Variants in C7orf33 observed in about 807,000 individuals in gnomAD.
C7orf33 encodes uncharacterized protein C7orf33.
Under a neutral mutation model 13.4 loss-of-function variants are expected in C7orf33, and 15 were observed. The observed-to-expected ratio is 1.12, with a 90% CI of 0.75 to 1.72. The LOEUF is 1.72. Among genes scored for constraint, C7orf33 ranks in the 40% most tolerant of loss-of-function variants. The pLI is 0.00. For synonymous variants in C7orf33, 73 were observed against 83.2 expected (o/e 0.88, Z 0.67); for missense variants, 187 against 220.3 (o/e 0.85, Z 0.96).
rs1796394675 is a variant in C7orf33, at chr7:148,600,044, GA to G, written c.204+8916del. Reference sequence around the variant, plus strand: ...GAAATGAACTTAGAGCTGCTTAGAGGATTTCACAGCCCATGCCCCGCAGTTT... The same window carrying G: ...GAAATGAACTTAGAGCTGCTTAGAGGTTTCACAGCCCATGCCCCGCAGTTT... On this transcript the variant is annotated intron_variant, in intron 1 of 2. Transcript: ENST00000307003. 2.0e-5 allele frequency among the ~76,000 whole-genome samples: 3 copies of G among 152,336 alleles called. No homozygotes were observed. In the East Asian group the frequency reaches 5.8e-4, roughly 29 times the overall value.
intron 1 of C7orf33, among the ~76,000 whole-genome samples, chr7:148,600,805 T>TC (rs1796404050): frequency 6.9e-6 from 1 of 144,236 alleles, no homozygotes; most frequent in South Asian, 2.2e-4. Context: ...ACTTCTTTTT[T>TC]TTTTTTTTTT....
chr7:148,604,327 A>AT (rs1796449888), intron 1 of C7orf33, among the ~76,000 whole-genome samples: 1 of 151,888 alleles, frequency 6.6e-6, no homozygotes, highest in Non-Finnish European at 1.5e-5. Context: ...GAGTTTCACC[A>AT]TGTCGGCCAG....
intron 1 of C7orf33, among the ~76,000 whole-genome samples, chr7:148,595,659 C>G (rs1168345083): frequency 8.0e-5 from 9 of 111,810 alleles, no homozygotes; most frequent in South Asian, 2.6e-4. Context: ...TAATATAGAT[C>G]TATATTATAT....
chr7:148,608,033 T>C (rs1043054244), intron 1 of C7orf33, among the ~76,000 whole-genome samples: 1 of 152,176 alleles, frequency 6.6e-6, no homozygotes, highest in Non-Finnish European at 1.5e-5. Context: ...AAAGGCTTTG[T>C]CCATTCCTGC....
chr7:148,593,420 T>C (rs1796291447), intron 1 of C7orf33, among the ~76,000 whole-genome samples: 1 of 151,720 alleles, frequency 6.6e-6, no homozygotes, highest in African/African-American at 2.4e-5. Flanking sequence ...CTGCCACCAC[T>C]CCCAGCTAAT....
At chr7:148,608,388 C>T (rs1275977779) in intron 1 of C7orf33, among the ~76,000 whole-genome samples, 1 of 151,838 alleles carries the variant, frequency 6.6e-6, no homozygotes, top group East Asian at 1.9e-4. Context: ...CGAGATCAGG[C>T]CACTGCACTC....
chr7:148,609,527 C>T (rs540118537), intron 1 of C7orf33, among the ~76,000 whole-genome samples: 1 of 152,254 alleles, frequency 6.6e-6, no homozygotes, highest in South Asian at 2.1e-4. Context: ...TTTTCAAATC[C>T]CAGCCCACAA....
At position 148,596,962 on chromosome 7, in the gene C7orf33, G is replaced by A. The variant is rs1796346677; in HGVS notation, c.204+5833G>A. Among the ~76,000 whole-genome samples the A allele has an allele frequency of 3.3e-5, 5 of 152,262 alleles. No individual in the cohort carries two copies. The South Asian group carries it at 1.0e-3, about 32-fold the overall frequency. On this transcript the variant is annotated intron_variant, in intron 1 of 2. Coordinates refer to ENST00000307003, the MANE Select transcript of C7orf33 (RefSeq NM_145304.4). ...CTTTCACTTAGCGATATGCATTTAA[G>A]CTTCCTTCAGCCTTTCCATGACTTG...
intron 1 of C7orf33, among the ~76,000 whole-genome samples, chr7:148,596,129 A>C (rs1796335823): frequency 6.6e-6 from 1 of 152,176 alleles, no homozygotes; most frequent in Non-Finnish European, 1.5e-5. Context: ...GGACTTATAT[A>C]CTTTTATATA....
chr7:148,597,711 G>A lies in C7orf33; in HGVS notation c.204+6582G>A, dbSNP rs114719673. 7.5e-3 allele frequency among the ~76,000 whole-genome samples: 1,140 copies of A among 151,400 alleles called. 16 individuals carry two copies. The highest frequency in any genetic ancestry group is 0.026 in the African/African-American group (1,086 of 41,246). On this transcript the variant is annotated intron_variant, in intron 1 of 2. Coordinates refer to ENST00000307003, the MANE Select transcript of C7orf33 (RefSeq NM_145304.4). ...TAACCATTATTCTGAATTCATTGTGGATCATTCCCTTCCTCTGCATTTGTT... is the reference window on the plus strand; with the variant it reads ...TAACCATTATTCTGAATTCATTGTGAATCATTCCCTTCCTCTGCATTTGTT...
chr7:148,603,989 C>A (rs770890521), intron 1 of C7orf33, among the ~76,000 whole-genome samples: 1 of 152,102 alleles, frequency 6.6e-6, no homozygotes, highest in African/African-American at 2.4e-5. Flanking sequence ...AATACAGAAC[C>A]AAACCAAAAG....
chr7:148,594,244 T>C (rs1585453005), intron 1 of C7orf33, among the ~76,000 whole-genome samples: 1 of 151,226 alleles, frequency 6.6e-6, no homozygotes, highest in Non-Finnish European at 1.5e-5. Context: ...GGTACGATCT[T>C]GGCTCACTGC....
intron 1 of C7orf33, among the ~76,000 whole-genome samples, chr7:148,593,517 A>G (rs1394848974): frequency 2.0e-5 from 3 of 151,972 alleles, no homozygotes; most frequent in African/African-American, 4.8e-5. Context: ...TGCTTGCCTC[A>G]GCCTCCCAAA....
At chr7:148,614,865 G>T (rs925712877) in intron 2 of C7orf33, among the ~76,000 whole-genome samples, 2 of 152,154 alleles carry the variant, frequency 1.3e-5, no homozygotes, top group African/African-American at 4.8e-5. Flanking sequence ...AAAGCAATGA[G>T]ATTTCTCTAA....
rs746335871 is a variant in C7orf33 at position 148,615,437 on chromosome 7, T to G, written c.*36T>G. 1 of 1,227,182 alleles carries G rather than the reference T, an allele frequency of 8.1e-7. No homozygotes were observed. The highest frequency in any genetic ancestry group is 2.3e-5 in the East Asian group (1 of 42,962). 76.0% of individuals were successfully genotyped at this position (1,227,182 alleles called of 1,614,324 possible). On this transcript the variant is annotated 3_prime_UTR_variant, in exon 3 of 3. Coordinates refer to ENST00000307003, the MANE Select transcript of C7orf33 (RefSeq NM_145304.4). ...GAATCTAAGAGTCACATCTCTAAAT[T>G]TGTGTAGATTGTGAAATCTCTTCTT...
Position 148,590,866 on chromosome 7 carries a change from T to G in C7orf33, c.-60T>G. 1 of 1,464,826 alleles carries G rather than the reference T, an allele frequency of 6.8e-7. No homozygotes were observed. The highest frequency in any genetic ancestry group is 9.6e-7 in the Non-Finnish European group (1 of 1,046,270). 90.7% of individuals were successfully genotyped at this position (1,464,826 alleles called of 1,614,324 possible). On this transcript the variant is annotated 5_prime_UTR_variant, in exon 1 of 3. Transcript: ENST00000307003. ...GATCCGTGCGACTTGATCTTAGATA[T>G]TGGTGGTGAAGCGCCGCTCTCCTTG...
intron 1 of C7orf33, among the ~76,000 whole-genome samples, chr7:148,603,526 G>C (rs1295550668): frequency 6.6e-6 from 1 of 152,126 alleles, no homozygotes; most frequent in Non-Finnish European, 1.5e-5. Flanking sequence ...GAATCAAAAG[G>C]AAGAAAGGTA....
chr7:148,607,608 A>T (rs913041106), intron 1 of C7orf33, among the ~76,000 whole-genome samples: 1 of 152,180 alleles, frequency 6.6e-6, no homozygotes, highest in African/African-American at 2.4e-5. Context: ...TAGGCAATAA[A>T]TGCTTCCTAT....
At chr7:148,599,316 C>G (rs1032830631) in intron 1 of C7orf33, among the ~76,000 whole-genome samples, 9 of 152,026 alleles carry the variant, frequency 5.9e-5, no homozygotes, top group African/African-American at 1.7e-4. Context: ...GGGCCTGAGA[C>G]AAGAACACAA....
Sources: allele counts gnomAD v4.1 joint callset (sites outside exome capture counted in the v4.1 genomes callset), GRCh38; gene constraint gnomAD v4.1.1; transcripts MANE v1.5; gene names NCBI Gene and HGNC (gene_info 2026-07-23, HGNC 2026-07-21).